The following SDK1 variants were observed in gnomAD, a reference collection of about 807,000 sequenced individuals.
SDK1 encodes sidekick cell adhesion molecule 1, also known as protein sidekick-1.
Under a neutral mutation model 245.5 loss-of-function variants are expected in SDK1, and 157 were observed. The observed-to-expected ratio is 0.64, with a 90% CI of 0.56 to 0.73. SDK1 has a LOEUF of 0.73. SDK1 is among the 30% of genes least tolerant of loss of function. The probability of loss-of-function intolerance (pLI) is 0.00; values close to 1 mark genes in which losing one functional copy is unlikely to be tolerated. For missense variants in SDK1, 3,583 were observed against 3,002.3 expected, an observed-to-expected ratio of 1.19 and a Z score of -4.52; for synonymous variants, 1,647 against 1,278.5, an observed-to-expected ratio of 1.29 and a Z score of -6.15.
At chr7:3,444,231 C>T (rs1005028743) in intron 1 of SDK1, among the ~76,000 whole-genome samples, 1 of 152,114 alleles carries the variant, frequency 6.6e-6, no homozygotes, top group Admixed American at 6.5e-5. Flanking sequence ...TGGGTGGTCT[C>T]CCTGGCAGTG....
chr7:4,102,954 T>TA (rs34174910), intron 22 of SDK1, among the ~76,000 whole-genome samples: 15,669 of 113,026 alleles, frequency 0.14, 1,167 homozygotes, highest in South Asian at 0.18. Context: ...TAAAAAAAGT[T>TA]AAAAAAAAAA....
chr7:3,844,468 C>A (rs1007946353), intron 5 of SDK1, among the ~76,000 whole-genome samples: 2 of 152,174 alleles, frequency 1.3e-5, no homozygotes, highest in Non-Finnish European at 2.9e-5. Context: ...GCTGGATGGG[C>A]CTTGGATGTG....
At chr7:3,434,968 T>C (rs1397892660) in intron 1 of SDK1, among the ~76,000 whole-genome samples, 1 of 152,194 alleles carries the variant, frequency 6.6e-6, no homozygotes, top group Admixed American at 6.5e-5. Flanking sequence ...AGTAAAATTT[T>C]ACAACAATTT....
chr7:4,106,185 C>G (rs796402850), intron 22 of SDK1, among the ~76,000 whole-genome samples: 6 of 152,314 alleles, frequency 3.9e-5, no homozygotes, highest in African/African-American at 1.4e-4. Context: ...GTGAGGGGGT[C>G]ATCTCATGGA....
At chr7:4,213,350 G>A (rs972576225) in intron 38 of SDK1, among the ~76,000 whole-genome samples, 1 of 151,744 alleles carries the variant, frequency 6.6e-6, no homozygotes, top group Non-Finnish European at 1.5e-5. Context: ...AGGCGGAGGT[G>A]GCAGTGAGCC....
chr7:3,490,974 G>A (rs903218747), intron 1 of SDK1, among the ~76,000 whole-genome samples: 8 of 152,214 alleles, frequency 5.3e-5, no homozygotes, highest in African/African-American at 1.9e-4. Flanking sequence ...TTGCAATGGT[G>A]ATACAGCTAC....
At chr7:3,778,991 A>G (rs1049583156) in intron 4 of SDK1, among the ~76,000 whole-genome samples, 1 of 152,226 alleles carries the variant, frequency 6.6e-6, no homozygotes, top group African/African-American at 2.4e-5. Flanking sequence ...CCATTGTAGC[A>G]GCAGCTTTTA....
chr7:3,630,937 AT>A (rs200711627), intron 2 of SDK1, among the ~76,000 whole-genome samples: 2 of 151,182 alleles, frequency 1.3e-5, no homozygotes, highest in Non-Finnish European at 2.9e-5. Flanking sequence ...TCTCTACAAG[AT>A]TTTTTTTTGT....
chr7:3,632,544 A>G (rs191403467), intron 2 of SDK1, among the ~76,000 whole-genome samples: 62 of 142,878 alleles, frequency 4.3e-4, no homozygotes, highest in Non-Finnish European at 7.9e-4. Flanking sequence ...CCAGTGCTAC[A>G]GATTCCATAG....
At chr7:3,947,291 G>A (rs959664511) in intron 5 of SDK1, among the ~76,000 whole-genome samples, 1 of 152,106 alleles carries the variant, frequency 6.6e-6, no homozygotes, top group African/African-American at 2.4e-5. Context: ...TCCGTCTTCT[G>A]CAGTTTCATA....
Position 3,619,186 on chromosome 7 carries a change from G to C in SDK1, c.405G>C (p.Glu135Asp). 3 of 1,613,962 alleles carry C rather than the reference G, an allele frequency of 1.9e-6. No individual in the cohort carries two copies. In the South Asian group the frequency reaches 3.3e-5, roughly 18 times the overall value. ...TCLAEGSWPL[E>D]FKWMRDDSEL... is the part of the protein sequence containing the mutation. ...TTGCCGAAGGGAGCTGGCCTTTGGA[G>C]TTCAAGTGGATGCGCGATGACAGTG... is the stretch of plus-strand genomic sequence containing the variant. The change falls in exon 2 of 45, where the codon GAG (glutamate) becomes GAC (aspartate). Residue 135 changes from glutamate to aspartate, a missense_variant. Glu to Asp is a conservative substitution (Grantham distance 45, BLOSUM62 2). Transcript: ENST00000404826.
intron 5 of SDK1, among the ~76,000 whole-genome samples, chr7:3,940,414 T>C (rs571770613): frequency 5.4e-4 from 82 of 152,362 alleles, no homozygotes; most frequent in African/African-American, 1.9e-3. Flanking sequence ...AGAAGTAGCC[T>C]TGGTTGTATG....
intron 1 of SDK1, among the ~76,000 whole-genome samples, chr7:3,356,803 A>G (rs1780808550): frequency 6.6e-6 from 1 of 152,120 alleles, no homozygotes; most frequent in Non-Finnish European, 1.5e-5. Flanking sequence ...CATGCCTGTA[A>G]TCCCAGCACT....
intron 4 of SDK1, among the ~76,000 whole-genome samples, chr7:3,749,752 C>T (rs1376400592): frequency 6.6e-6 from 1 of 152,172 alleles, no homozygotes; most frequent in Non-Finnish European, 1.5e-5. Context: ...CGTGGGCTGG[C>T]ATTCTAGTGT....
chr7:3,558,959 G>C (rs1275154528), intron 1 of SDK1, among the ~76,000 whole-genome samples: 1 of 152,128 alleles, frequency 6.6e-6, no homozygotes, highest in Non-Finnish European at 1.5e-5. Flanking sequence ...AGACTACTTA[G>C]ATTGTTTGAA....
chr7:3,656,625 C>T (rs1407474735), intron 4 of SDK1, among the ~76,000 whole-genome samples: 1 of 152,130 alleles, frequency 6.6e-6, no homozygotes, highest in Non-Finnish European at 1.5e-5. Context: ...TCACCTGTAC[C>T]CCTGTGGAAA....
chr7:3,609,841 C>A (rs973368823), intron 1 of SDK1, among the ~76,000 whole-genome samples: 1 of 152,042 alleles, frequency 6.6e-6, no homozygotes, highest in African/African-American at 2.4e-5. Context: ...GCTGGGACCA[C>A]ACGCACACAC....
At chr7:3,355,794 A>G (rs547858139) in intron 1 of SDK1, among the ~76,000 whole-genome samples, 5 of 152,326 alleles carry the variant, frequency 3.3e-5, no homozygotes, top group Middle Eastern at 3.4e-3. Flanking sequence ...TTAATCTGCT[A>G]TTTTATGCCT....
intron 5 of SDK1, among the ~76,000 whole-genome samples, chr7:3,878,861 T>C (rs977566999): frequency 6.6e-6 from 1 of 152,186 alleles, no homozygotes; most frequent in Non-Finnish European, 1.5e-5. Context: ...AAGTCTAACA[T>C]GCATACACAA....
Sources: gnomAD v4.1 joint callset for allele counts (sites outside exome capture counted in the v4.1 genomes callset) on GRCh38, gnomAD v4.1.1 for gene constraint, MANE v1.5 for transcripts, NCBI Gene and HGNC (gene_info 2026-07-23, HGNC 2026-07-21) for gene names.